KCTD8: variants seen among roughly 807,000 people sequenced by gnomAD.
KCTD8 encodes the protein BTB/POZ domain-containing protein KCTD8.
In KCTD8, 27 loss-of-function variants were observed where a neutral mutation model predicts 31.5. The ratio of observed to expected loss-of-function variants is 0.86; its 90% confidence interval spans 0.63 to 1.18. The LOEUF is 1.18. Ranked by LOEUF, KCTD8 falls within the 50% of genes most tolerant of loss-of-function variation. KCTD8 has a pLI of 0.00. For missense variants in KCTD8, 658 were observed against 647.7 expected, an observed-to-expected ratio of 1.02 and a Z score of -0.17; for synonymous variants, 290 against 280.0, an observed-to-expected ratio of 1.04 and a Z score of -0.36.
At chr4:44,350,914 T>C (rs1337842876) in intron 1 of KCTD8, among the ~76,000 whole-genome samples, 1 of 152,146 alleles carries the variant, frequency 6.6e-6, no homozygotes, top group African/African-American at 2.4e-5. Flanking sequence ...TCGTCAAAAT[T>C]ACATGAATGC....
chr4:44,364,219 CT>C (rs1719571368), intron 1 of KCTD8, among the ~76,000 whole-genome samples: 1 of 151,934 alleles, frequency 6.6e-6, no homozygotes, highest in South Asian at 2.1e-4. Context: ...ACAAAGAATT[CT>C]TAAAATACAA....
chr4:44,223,370 G>A (rs759336216), intron 1 of KCTD8, among the ~76,000 whole-genome samples: 6 of 152,132 alleles, frequency 3.9e-5, no homozygotes, highest in Non-Finnish European at 5.9e-5. Flanking sequence ...CCTTTGGGAC[G>A]TGTAGGTGTA....
At chr4:44,219,227 T>C (rs1577836813) in intron 1 of KCTD8, among the ~76,000 whole-genome samples, 2 of 152,342 alleles carry the variant, frequency 1.3e-5, no homozygotes, top group Admixed American at 6.5e-5. Flanking sequence ...TTAGAGCAAA[T>C]AGAAGTGACA....
At chr4:44,396,060 G>A (rs1454261054) in intron 1 of KCTD8, among the ~76,000 whole-genome samples, 1 of 152,044 alleles carries the variant, frequency 6.6e-6, no homozygotes, top group African/African-American at 2.4e-5. Flanking sequence ...ATCAGTGGGA[G>A]CCCTGAGCTT....
At chr4:44,273,520 C>A (rs1716670322) in intron 1 of KCTD8, among the ~76,000 whole-genome samples, 1 of 151,978 alleles carries the variant, frequency 6.6e-6, no homozygotes, top group Non-Finnish European at 1.5e-5. Flanking sequence ...AAATGTCTCT[C>A]ATTCCAATCA....
chr4:44,443,428 G>C (rs1276945533), intron 1 of KCTD8, among the ~76,000 whole-genome samples: 1 of 152,188 alleles, frequency 6.6e-6, no homozygotes, highest in Admixed American at 6.5e-5. Flanking sequence ...GGATTGAATA[G>C]CTGTTTGAAT....
intron 1 of KCTD8, among the ~76,000 whole-genome samples, chr4:44,263,715 A>G (rs1192059110): frequency 6.6e-6 from 1 of 152,164 alleles, no homozygotes; most frequent in Non-Finnish European, 1.5e-5. Context: ...ATGCATCCCT[A>G]GTCAACAGTC....
At position 44,271,529 on chromosome 4, in the gene KCTD8, A is replaced by T. The variant is rs112398872; in HGVS notation, c.962-96279T>A. Reference sequence around the variant, plus strand: ...TGGTCCCAAAACTGGCCATAAACAAAATCTCTGCAGCATTGTGACATGTTT... The same window carrying T: ...TGGTCCCAAAACTGGCCATAAACAATATCTCTGCAGCATTGTGACATGTTT... On this transcript the variant is annotated intron_variant, in intron 1 of 1. Coordinates refer to ENST00000360029, the MANE Select transcript of KCTD8 (RefSeq NM_198353.3). 9.0e-3 allele frequency among the ~76,000 whole-genome samples: 1,362 copies of T among 152,142 alleles called. 27 individuals are homozygous for T. Among genetic ancestry groups the T allele is most frequent in the African/African-American group, 0.031 (1,294 of 41,508 alleles).
chr4:44,360,399 T>A (rs1719464929), intron 1 of KCTD8, among the ~76,000 whole-genome samples: 1 of 152,056 alleles, frequency 6.6e-6, no homozygotes, highest in Non-Finnish European at 1.5e-5. Context: ...AATACAGTCA[T>A]CTTTCATGGA....
At chr4:44,245,731 A>AT (rs539427871) in intron 1 of KCTD8, among the ~76,000 whole-genome samples, 137 of 152,026 alleles carry the variant, frequency 9.0e-4, no homozygotes, top group Non-Finnish European at 1.5e-3. Flanking sequence ...CATAATTAGC[A>AT]TTTTTTTCCT....
chr4:44,272,091 G>T (rs1024472563), intron 1 of KCTD8, among the ~76,000 whole-genome samples: 1 of 146,332 alleles, frequency 6.8e-6, no homozygotes, highest in Non-Finnish European at 1.5e-5. Flanking sequence ...ACATAGTAGA[G>T]GTCCATCAAT....
At chr4:44,289,118 A>G (rs931375209) in intron 1 of KCTD8, among the ~76,000 whole-genome samples, 1 of 151,716 alleles carries the variant, frequency 6.6e-6, no homozygotes, top group Non-Finnish European at 1.5e-5. Context: ...ATGAGCTTTA[A>G]AGAAACTGAT....
Position 44,341,356 on chromosome 4 carries a change from C to A in KCTD8, c.961+106207G>T, listed in dbSNP as rs115109696. 4.0e-3 allele frequency among the ~76,000 whole-genome samples: 611 copies of A among 152,274 alleles called. 6 individuals carry two copies. The highest frequency in any genetic ancestry group is 0.014 in the African/African-American group (584 of 41,558). On this transcript the variant is annotated intron_variant, in intron 1 of 1. Transcript: ENST00000360029. ...GTGGCTGGAGCAATTTCTTCAAATA[C>A]AACAACAATGAAGATTGCCTCATTG...
At chr4:44,231,022 C>T (rs1472194862) in intron 1 of KCTD8, among the ~76,000 whole-genome samples, 1 of 152,134 alleles carries the variant, frequency 6.6e-6, no homozygotes, top group Non-Finnish European at 1.5e-5. Context: ...GTCCTAAATT[C>T]TATGAGTTTG....
chr4:44,292,758 T>C (rs1446392687), intron 1 of KCTD8, among the ~76,000 whole-genome samples: 1 of 152,134 alleles, frequency 6.6e-6, no homozygotes, highest in African/African-American at 2.4e-5. Flanking sequence ...TAGTCTCCAT[T>C]AATAATTCCT....
At chr4:44,291,960 GAAAAAAA>G (rs571458412) in intron 1 of KCTD8, among the ~76,000 whole-genome samples, 37 of 88,432 alleles carry the variant, frequency 4.2e-4, no homozygotes, top group African/African-American at 1.4e-3. Flanking sequence ...TGGCTATTAT[GAAAAAAA>G]AAAAAAAAAA....
intron 1 of KCTD8, among the ~76,000 whole-genome samples, chr4:44,287,253 A>G (rs939413073): frequency 1.3e-5 from 2 of 152,086 alleles, no homozygotes; most frequent in Non-Finnish European, 1.5e-5. Flanking sequence ...CCTTATCTCA[A>G]AATAAATAAA....
intron 1 of KCTD8, among the ~76,000 whole-genome samples, chr4:44,426,079 A>T (rs1721337969): frequency 6.8e-6 from 1 of 146,646 alleles, no homozygotes; most frequent in Admixed American, 6.8e-5. Flanking sequence ...ACTAAAAAGG[A>T]AAGAAAAATT....
At chr4:44,187,167 G>T (rs1235914977) in intron 1 of KCTD8, among the ~76,000 whole-genome samples, 1 of 152,154 alleles carries the variant, frequency 6.6e-6, no homozygotes, top group Non-Finnish European at 1.5e-5. Context: ...TAAATTACTT[G>T]AGAACCACAC....
Sources: gnomAD v4.1 joint callset for allele counts (sites outside exome capture counted in the v4.1 genomes callset) on GRCh38, gnomAD v4.1.1 for gene constraint, MANE v1.5 for transcripts, NCBI Gene and HGNC (gene_info 2026-07-23, HGNC 2026-07-21) for gene names.